Variants in ZDHHC21 observed in about 807,000 individuals in gnomAD.
ZDHHC21 encodes the protein zDHHC palmitoyltransferase 21, also known as palmitoyltransferase ZDHHC21.
ZDHHC21 carries 15 observed loss-of-function variants against 34.6 expected under a neutral mutation model. That is an observed-to-expected ratio of 0.43 (90% confidence interval 0.29 to 0.67). The LOEUF (loss-of-function observed/expected upper bound fraction) is 0.67, where lower values mean the gene tolerates loss of function less well. Among genes scored for constraint, ZDHHC21 ranks in the 30% least tolerant of loss-of-function variants. The pLI is 0.14. For synonymous variants in ZDHHC21, 142 were observed against 101.8 expected, an observed-to-expected ratio of 1.40 and a Z score of -2.38; for missense variants, 344 against 327.7, an observed-to-expected ratio of 1.05 and a Z score of -0.38.
chr9:14,663,188 C>T (rs1276383698), intron 5 of ZDHHC21, among the ~76,000 whole-genome samples: 1 of 152,096 alleles, frequency 6.6e-6, no homozygotes, highest in Non-Finnish European at 1.5e-5. Flanking sequence ...CCTTATTATA[C>T]AAAAATGTAT....
At chr9:14,650,683 G>A (rs1258964063) in intron 7 of ZDHHC21, among the ~76,000 whole-genome samples, 1 of 151,870 alleles carries the variant, frequency 6.6e-6, no homozygotes, top group Non-Finnish European at 1.5e-5. Context: ...TTAGCCAAAA[G>A]GCTAGGCAAA....
chr9:14,679,017 G>A (rs1836903054), intron 3 of ZDHHC21, among the ~76,000 whole-genome samples: 1 of 152,098 alleles, frequency 6.6e-6, no homozygotes, highest in African/African-American at 2.4e-5. Context: ...GAAGAGGCAT[G>A]AGGGAACTCT....
chr9:14,682,314 C>T (rs1305252961), intron 2 of ZDHHC21, among the ~76,000 whole-genome samples: 3 of 152,102 alleles, frequency 2.0e-5, no homozygotes, highest in African/African-American at 7.2e-5. Flanking sequence ...TGCAGAGACA[C>T]ACATAGGCTC....
intron 8 of ZDHHC21, among the ~76,000 whole-genome samples, chr9:14,631,528 A>G (rs1324122938): frequency 6.6e-6 from 1 of 152,124 alleles, no homozygotes; most frequent in Admixed American, 6.6e-5. Flanking sequence ...TCCTTCAAAA[A>G]CTTTTCCTTT....
rs1424552748 is a variant in ZDHHC21, at chr9:14,644,726, TA to T, written c.505-4715del. Among the ~76,000 whole-genome samples, 5 of 152,144 alleles carry T rather than the reference TA, an allele frequency of 3.3e-5. No homozygotes were observed. The Middle Eastern group carries it at 0.01, about 310-fold the overall frequency. ...CAAAAACCACCTTTCATTCCTAGGA[TA>T]AACTCAATTTGATCAGGTTGCTTAT... is the stretch of plus-strand genomic sequence containing the variant. On this transcript the variant is annotated intron_variant, in intron 7 of 9. Coordinates refer to ENST00000380916, the MANE Select transcript of ZDHHC21 (RefSeq NM_178566.6).
chr9:14,618,418 T>G lies in ZDHHC21; in HGVS notation c.*548A>C, dbSNP rs1435292505. On this transcript the variant is annotated 3_prime_UTR_variant, in exon 10 of 10. Coordinates refer to ENST00000380916, the MANE Select transcript of ZDHHC21 (RefSeq NM_178566.6). Reference sequence around the variant, plus strand: ...CACTCCTAAGAAACCAATGCCCGTTTTGTGTTGCTGTTGTTCACTCCTATG... The same window carrying G: ...CACTCCTAAGAAACCAATGCCCGTTGTGTGTTGCTGTTGTTCACTCCTATG... 3 of 152,586 alleles carry G rather than the reference T, an allele frequency of 2.0e-5. No individual in the cohort carries two copies. Among genetic ancestry groups the G allele is most frequent in the Non-Finnish European group, 4.4e-5 (3 of 68,008 alleles). The allele number at this position is 152,586 out of a possible 1,614,324, so 9.5% of individuals were successfully genotyped here.
intron 8 of ZDHHC21, chr9:14,622,793 C>T: frequency 1.0e-6 from 1 of 958,098 alleles, no homozygotes; most frequent in Non-Finnish European, 1.2e-6. Flanking sequence ...ACCCTGCAAA[C>T]AATTTCAAAA....
At chr9:14,681,873 G>A (rs1031546987) in intron 2 of ZDHHC21, among the ~76,000 whole-genome samples, 5 of 151,996 alleles carry the variant, frequency 3.3e-5, no homozygotes, top group East Asian at 1.9e-4. Flanking sequence ...AGAAGAGAAC[G>A]GGGGCCAATA....
At chr9:14,639,736 T>G (rs7850179) in intron 8 of ZDHHC21, among the ~76,000 whole-genome samples, 160 bp downstream of exon 8, 1 of 152,120 alleles carries the variant, frequency 6.6e-6, no homozygotes, top group Non-Finnish European at 1.5e-5. Flanking sequence ...TACTTTGTAC[T>G]TGATTATAAC....
chr9:14,612,510 G>A lies in ZDHHC21; in HGVS notation c.*6456C>T, dbSNP rs1823477377. 6.6e-6 allele frequency: 1 copy of A among 151,872 alleles called. No individual in the cohort carries two copies. The highest frequency in any genetic ancestry group is 1.5e-5 in the Non-Finnish European group (1 of 67,886). 9.4% of individuals were successfully genotyped at this position (151,872 alleles called of 1,614,324 possible). On this transcript the variant is annotated 3_prime_UTR_variant, in exon 10 of 10. Transcript: ENST00000380916. ...TTTAAATTACGAGTACACTTAAAGG[G>A]TGTTTCTCTTCATTTTTGTAAAATT...
intron 6 of ZDHHC21, among the ~76,000 whole-genome samples, chr9:14,661,766 A>C (rs1833440491): frequency 6.6e-6 from 1 of 152,220 alleles, no homozygotes; most frequent in South Asian, 2.1e-4. Context: ...ATGCTTAAAA[A>C]GCTTTAAGGG....
At chr9:14,637,738 C>G (rs1587000507) in intron 8 of ZDHHC21, among the ~76,000 whole-genome samples, 1 of 151,736 alleles carries the variant, frequency 6.6e-6, no homozygotes. Flanking sequence ...TTTCTATACA[C>G]CAATAATGAA....
chr9:14,639,282 T>A (rs1171370261), intron 8 of ZDHHC21, among the ~76,000 whole-genome samples: 1 of 152,078 alleles, frequency 6.6e-6, no homozygotes, highest in Non-Finnish European at 1.5e-5. Context: ...TCATATTTTC[T>A]CACTCATATG....
chr9:14,609,839 T>G (rs1823145646), downstream of ZDHHC21, among the ~76,000 whole-genome samples: 1 of 151,978 alleles, frequency 6.6e-6, no homozygotes, highest in Non-Finnish European at 1.5e-5. Flanking sequence ...CAGAGGAAAA[T>G]ATCCAGTTAC....
chr9:14,635,493 C>T (rs977673475), intron 8 of ZDHHC21, among the ~76,000 whole-genome samples: 1 of 152,240 alleles, frequency 6.6e-6, no homozygotes, highest in African/African-American at 2.4e-5. Context: ...TATTTCTCCA[C>T]AGAAACTTTA....
chr9:14,675,289 T>G (rs1416622201), intron 3 of ZDHHC21, among the ~76,000 whole-genome samples: 3 of 151,908 alleles, frequency 2.0e-5, no homozygotes, highest in Non-Finnish European at 4.4e-5. Flanking sequence ...AAATAATAAA[T>G]TGCTGTATAA....
chr9:14,652,131 T>A (rs1203416203), intron 7 of ZDHHC21, among the ~76,000 whole-genome samples: 2 of 151,992 alleles, frequency 1.3e-5, no homozygotes, highest in Non-Finnish European at 2.9e-5. Flanking sequence ...TAACAAAAAA[T>A]GTTTAATTTA....
At chr9:14,661,958 T>A (rs1564332835) in intron 6 of ZDHHC21, among the ~76,000 whole-genome samples, 1 of 152,200 alleles carries the variant, frequency 6.6e-6, no homozygotes, top group East Asian at 1.9e-4. Flanking sequence ...ACAACCACCT[T>A]AATCCTTTTG....
rs1328431487 is a variant in ZDHHC21 at position 14,617,318 on chromosome 9, G to C, written c.*1648C>G. ...TATTTCTGTTCGTATTTCTGAGTTT[G>C]TAAGTAATAAAGTATTCTAATTAGA... is the stretch of plus-strand genomic sequence containing the variant. On this transcript the variant is annotated 3_prime_UTR_variant, in exon 10 of 10. Transcript: ENST00000380916. 6.6e-6 allele frequency: 1 copy of C among 151,842 alleles called. No individual in the cohort carries two copies. Among genetic ancestry groups the C allele is most frequent in the Non-Finnish European group, 1.5e-5 (1 of 67,872 alleles). 9.4% of individuals were successfully genotyped at this position (151,842 alleles called of 1,614,324 possible). A position where few individuals can be genotyped will look rare whatever the true frequency, so the allele number is the denominator to read the frequency against.
Sources: gnomAD v4.1 joint callset for allele counts (sites outside exome capture counted in the v4.1 genomes callset) on GRCh38, gnomAD v4.1.1 for gene constraint, MANE v1.5 for transcripts, NCBI Gene and HGNC (gene_info 2026-07-23, HGNC 2026-07-21) for gene names.